Variants in ZPBP observed in about 807,000 individuals in gnomAD.
The protein encoded by ZPBP is zona pellucida-binding protein 1.
In ZPBP, 26 loss-of-function variants were observed where a neutral mutation model predicts 44.8. The ratio of observed to expected loss-of-function variants is 0.58; its 90% CI spans 0.43 to 0.81. ZPBP has a LOEUF of 0.81. Among genes scored for constraint, ZPBP ranks in the 30% least tolerant of loss-of-function variants. The pLI is 0.00. For missense variants in ZPBP, 409 were observed against 434.0 expected (o/e 0.94, Z 0.51); for synonymous variants, 174 against 153.2 (o/e 1.14, Z -1.00).
At chr7:49,892,658 G>A (rs547860061) in intron 2 of ZPBP, among the ~76,000 whole-genome samples, 2 of 152,332 alleles carry the variant, frequency 1.3e-5, no homozygotes, top group East Asian at 3.9e-4. Context: ...GAAGGCCTAT[G>A]TAATAATACT....
At chr7:49,890,166 C>G (rs1317950249) in intron 2 of ZPBP, among the ~76,000 whole-genome samples, 2 of 152,174 alleles carry the variant, frequency 1.3e-5, no homozygotes, top group East Asian at 1.9e-4. Context: ...GCTCTGTGGT[C>G]TTAACAATGA....
At chr7:49,927,290 C>G (rs1411229203) in intron 1 of ZPBP, among the ~76,000 whole-genome samples, 1 of 152,140 alleles carries the variant, frequency 6.6e-6, no homozygotes, top group Non-Finnish European at 1.5e-5. Context: ...GGTGGCAGTC[C>G]TGGGTTTCAG....
At chr7:50,024,257 A>C (rs555258821) in intron 5 of ZPBP, among the ~76,000 whole-genome samples, 1 of 151,998 alleles carries the variant, frequency 6.6e-6, no homozygotes, top group South Asian at 2.1e-4. Flanking sequence ...GAGGTTACTA[A>C]AGAAATTAAA....
intron 6 of ZPBP, among the ~76,000 whole-genome samples, chr7:50,008,776 GC>G (rs1798429612): frequency 6.6e-6 from 1 of 152,064 alleles, no homozygotes; most frequent in Admixed American, 6.6e-5. Context: ...AAAGATGAAT[GC>G]CTTCCCCATC....
intron 1 of ZPBP, among the ~76,000 whole-genome samples, chr7:49,910,291 T>C (rs918660492): frequency 1.3e-5 from 2 of 152,196 alleles, no homozygotes; most frequent in Admixed American, 6.5e-5. Context: ...CAAAGGCCAG[T>C]TGTTATTCTG....
chr7:49,854,339 C>T (rs13310601), intron 2 of ZPBP, among the ~76,000 whole-genome samples: 101,086 of 151,964 alleles, frequency 0.67, 34,633 homozygotes, highest in East Asian at 0.88. Context: ...ACAATGTAAA[C>T]GTGTTCCTAT....
At chr7:49,961,018 T>C (rs1795843985) in intron 7 of ZPBP, among the ~76,000 whole-genome samples, 1 of 152,140 alleles carries the variant, frequency 6.6e-6, no homozygotes, top group South Asian at 2.1e-4. Flanking sequence ...ATGGATACAA[T>C]TGGCTTACAA....
intron 6 of ZPBP, among the ~76,000 whole-genome samples, chr7:50,017,152 T>TA (rs1168640908): frequency 6.6e-6 from 1 of 152,070 alleles, no homozygotes; most frequent in African/African-American, 2.4e-5. Context: ...CACCATAATG[T>TA]AAAATCAGTG....
At chr7:49,844,197 G>A in the ZPBP span, among the ~76,000 whole-genome samples, 32 of 152,318 alleles carry the variant, frequency 2.1e-4, no homozygotes, top group African/African-American at 5.1e-4. Flanking sequence ...CAGAGTGGAC[G>A]TCATGCATGC....
chr7:49,943,911 G>A (rs1414184660), intron 7 of ZPBP: 3 of 296,848 alleles, frequency 1.0e-5, no homozygotes, highest in South Asian at 7.3e-5. Flanking sequence ...ATCTTTTCTA[G>A]AAACTGGTCT....
At chr7:50,006,650 G>C (rs1197484256) in intron 6 of ZPBP, among the ~76,000 whole-genome samples, 1 of 151,746 alleles carries the variant, frequency 6.6e-6, no homozygotes, top group Non-Finnish European at 1.5e-5. Context: ...TAGAGAATTA[G>C]AAAAAGAACA....
At chr7:49,980,030 T>TTA (rs1796727025) in intron 7 of ZPBP, among the ~76,000 whole-genome samples, 8 of 13,444 alleles carry the variant, frequency 6.0e-4, no homozygotes, top group African/African-American at 1.5e-3. Context: ...TAATTTTATA[T>TTA]TATATTATAA....
rs2128751825 is a variant in ZPBP at position 49,937,450 on chromosome 7, G to A, written c.*78C>T. 1 of 1,069,508 alleles carries A rather than the reference G, an allele frequency of 9.4e-7. No homozygotes were observed. Among genetic ancestry groups the A allele is most frequent in the Non-Finnish European group, 1.4e-6 (1 of 699,802 alleles). The allele number at this position is 1,069,508 out of a possible 1,614,324, so 66.3% of individuals were successfully genotyped here. A position where few individuals can be genotyped will look rare whatever the true frequency, so the allele number is the denominator to read the frequency against. ...TTTTTGTAAAATATGATTAATTTTGGCATAATAATTTATTATGTTAATATT... is the reference window on the plus strand; with the variant it reads ...TTTTTGTAAAATATGATTAATTTTGACATAATAATTTATTATGTTAATATT... On this transcript the variant is annotated 3_prime_UTR_variant, in exon 8 of 8. Coordinates refer to ENST00000046087, the MANE Select transcript of ZPBP (RefSeq NM_007009.3).
chr7:50,037,061 A>T (rs1387081758), intron 4 of ZPBP, among the ~76,000 whole-genome samples: 1 of 152,118 alleles, frequency 6.6e-6, no homozygotes, highest in Non-Finnish European at 1.5e-5. Flanking sequence ...ATGAATTTGG[A>T]GAGTTGGATT....
chr7:50,087,047 T>G (rs182237519), intron 2 of ZPBP, among the ~76,000 whole-genome samples: 1 of 152,062 alleles, frequency 6.6e-6, no homozygotes, highest in African/African-American at 2.4e-5. Flanking sequence ...GTGATTAAAC[T>G]GGTAATCAAA....
intron 2 of ZPBP, among the ~76,000 whole-genome samples, chr7:50,082,847 C>T (rs1470732984): frequency 1.3e-5 from 2 of 151,716 alleles, no homozygotes; most frequent in East Asian, 3.9e-4. Flanking sequence ...TTTTTGAGTA[C>T]TTTAATGAAA....
chr7:49,975,379 T>G (rs1456907107), intron 7 of ZPBP, among the ~76,000 whole-genome samples: 1 of 152,282 alleles, frequency 6.6e-6, no homozygotes, highest in East Asian at 1.9e-4. Context: ...GTTTCCTGAC[T>G]GCTCCCCAAG....
chr7:49,892,115 G>A (rs927475562), intron 2 of ZPBP, among the ~76,000 whole-genome samples: 4 of 130,106 alleles, frequency 3.1e-5, no homozygotes, highest in Admixed American at 9.7e-5. Flanking sequence ...CGCAATCTCG[G>A]CTCACTGCAA....
chr7:49,917,172 C>A (rs1478925554), intron 1 of ZPBP: 1 of 152,040 alleles, frequency 6.6e-6, no homozygotes, highest in Non-Finnish European at 1.5e-5. Context: ...TGAGCTGAGT[C>A]ATTTGTACAG....
Sources: allele counts gnomAD v4.1 joint callset (sites outside exome capture counted in the v4.1 genomes callset), GRCh38; gene constraint gnomAD v4.1.1; transcripts MANE v1.5; gene names NCBI Gene and HGNC (gene_info 2026-07-23, HGNC 2026-07-21).